GTF2F2: variants seen among roughly 807,000 people sequenced by gnomAD.
The protein encoded by GTF2F2 is ATP-dependent helicase GTF2F2.
In GTF2F2, 23 loss-of-function variants were observed where a neutral mutation model predicts 42.2. The ratio of observed to expected loss-of-function variants is 0.55; its 90% confidence interval spans 0.39 to 0.77. The LOEUF (loss-of-function observed/expected upper bound fraction) is 0.77, where lower values mean the gene tolerates loss of function less well. Among genes scored for constraint, GTF2F2 ranks in the 30% least tolerant of loss-of-function variants. The pLI is 0.00. For synonymous variants in GTF2F2, 105 were observed against 100.8 expected (o/e 1.04, Z -0.25); for missense variants, 261 against 287.2 (o/e 0.91, Z 0.66).
chr13:45,168,906 T>TCCCTCCCTCCCTCCCTC (rs145117805), intron 4 of GTF2F2, among the ~76,000 whole-genome samples: 1 of 87,262 alleles, frequency 1.1e-5, no homozygotes, highest in Non-Finnish European at 2.2e-5. Context: ...CCTCCCTCCC[T>TCCCTCCCTCCCTCCCTC]CCTCCTTCCT....
intron 5 of GTF2F2, among the ~76,000 whole-genome samples, chr13:45,248,783 A>C (rs923723910): frequency 6.6e-6 from 1 of 152,102 alleles, no homozygotes; most frequent in Admixed American, 6.6e-5. Flanking sequence ...GCCAGCACCA[A>C]GTATTTTTTT....
At chr13:45,168,924 C>CTCCCTCCT (rs1871453654) in intron 4 of GTF2F2, among the ~76,000 whole-genome samples, 2 of 125,752 alleles carry the variant, frequency 1.6e-5, no homozygotes, top group South Asian at 3.1e-4. Context: ...CCTTCCCTCC[C>CTCCCTCCT]TCCCTCCTTC....
At chr13:45,168,012 T>G (rs1297639707) in intron 4 of GTF2F2, among the ~76,000 whole-genome samples, 3 of 152,248 alleles carry the variant, frequency 2.0e-5, no homozygotes, top group South Asian at 4.1e-4. Context: ...ATGACTATGA[T>G]GATTTGACAC....
At chr13:45,282,085 C>T (rs1182709805) in intron 7 of GTF2F2, among the ~76,000 whole-genome samples, 3 of 152,104 alleles carry the variant, frequency 2.0e-5, no homozygotes, top group Admixed American at 6.6e-5. Context: ...CCTGTAATCC[C>T]AGCTACTTGG....
chr13:45,283,677 A>T lies in GTF2F2; in HGVS notation c.*116A>T. On this transcript the variant is annotated 3_prime_UTR_variant, in exon 8 of 8. Transcript: ENST00000340473. ...ATAGGGGTTAAGTGACAGTACTTTG[A>T]TTTCTCTCGGTAAATTTTTTAAACC... 1.3e-6 allele frequency: 1 copy of T among 779,816 alleles called. No individual in the cohort carries two copies. The highest frequency in any genetic ancestry group is 1.8e-6 in the Non-Finnish European group (1 of 549,032). The allele number at this position is 779,816 out of a possible 1,614,324, so 48.3% of individuals were successfully genotyped here.
At chr13:45,155,212 A>G (rs1593459259) in intron 4 of GTF2F2, among the ~76,000 whole-genome samples, 1 of 152,352 alleles carries the variant, frequency 6.6e-6, no homozygotes, top group African/African-American at 2.4e-5. Flanking sequence ...TTGGTCATGA[A>G]CCTGCCAAAG....
chr13:45,204,396 G>C (rs1466503926), intron 4 of GTF2F2, among the ~76,000 whole-genome samples: 2 of 152,172 alleles, frequency 1.3e-5, no homozygotes, highest in South Asian at 2.1e-4. Context: ...GTTAAGAAAT[G>C]TGTGAGAATA....
chr13:45,234,794 C>T (rs1031782038), intron 5 of GTF2F2, among the ~76,000 whole-genome samples: 5 of 151,986 alleles, frequency 3.3e-5, no homozygotes, highest in African/African-American at 1.2e-4. Context: ...GCCTGTAATT[C>T]CAGCACTTTG....
chr13:45,174,640 T>TC (rs1871780778), intron 4 of GTF2F2, among the ~76,000 whole-genome samples: 2 of 149,004 alleles, frequency 1.3e-5, no homozygotes, highest in East Asian at 1.9e-4. Flanking sequence ...TTTTCTTTTT[T>TC]TTTTTTTTTT....
At chr13:45,134,431 A>T (rs1869512661) in intron 1 of GTF2F2, among the ~76,000 whole-genome samples, 1 of 152,034 alleles carries the variant, frequency 6.6e-6, no homozygotes, top group African/African-American at 2.4e-5. Flanking sequence ...TGGGGGAGGG[A>T]TAGATAAGAA....
intron 6 of GTF2F2, among the ~76,000 whole-genome samples, chr13:45,265,408 C>A (rs916954565): frequency 7.2e-5 from 11 of 152,154 alleles, no homozygotes; most frequent in Admixed American, 7.2e-4. Flanking sequence ...AGGCCCTCCC[C>A]TCTCTAATCA....
chr13:45,272,939 T>G (rs969860537), intron 7 of GTF2F2, among the ~76,000 whole-genome samples: 1 of 139,906 alleles, frequency 7.1e-6, no homozygotes, highest in Non-Finnish European at 1.6e-5. Flanking sequence ...TTTTTTTTTT[T>G]TTTTTGAGAC....
intron 5 of GTF2F2, among the ~76,000 whole-genome samples, chr13:45,226,826 C>A (rs893885052): frequency 3.3e-5 from 5 of 152,156 alleles, no homozygotes; most frequent in African/African-American, 9.7e-5. Context: ...GAGGGTTGAA[C>A]CTTTTTCTGG....
chr13:45,204,016 A>G (rs947114202), intron 4 of GTF2F2, among the ~76,000 whole-genome samples: 1 of 151,164 alleles, frequency 6.6e-6, no homozygotes, highest in African/African-American at 2.4e-5. Flanking sequence ...TTATTTTTTC[A>G]CTCTCATTCT....
At chr13:45,276,311 A>C (rs1244212052) in intron 7 of GTF2F2, among the ~76,000 whole-genome samples, 2 of 152,200 alleles carry the variant, frequency 1.3e-5, no homozygotes, top group African/African-American at 4.8e-5. Flanking sequence ...CGTTGGGACT[A>C]TTATGAATAA....
chr13:45,182,902 A>C (rs570681478), intron 4 of GTF2F2, among the ~76,000 whole-genome samples: 13 of 152,100 alleles, frequency 8.5e-5, no homozygotes, highest in African/African-American at 2.9e-4. Flanking sequence ...TCTCTGTACT[A>C]GTTTTTTCTT....
intron 4 of GTF2F2, among the ~76,000 whole-genome samples, chr13:45,171,907 A>G (rs1871620146): frequency 1.3e-5 from 2 of 149,092 alleles, no homozygotes; most frequent in Non-Finnish European, 1.5e-5. Flanking sequence ...TCCAGGGCTC[A>G]TTCATGTTGT....
intron 2 of GTF2F2, among the ~76,000 whole-genome samples, chr13:45,137,447 C>G (rs1323918659): frequency 1.3e-5 from 2 of 152,174 alleles, no homozygotes; most frequent in East Asian, 3.8e-4. Context: ...TATCAATTAG[C>G]TTTTGCTTCA....
At chr13:45,208,290 A>G (rs962014799) in intron 5 of GTF2F2, among the ~76,000 whole-genome samples, 1 of 152,124 alleles carries the variant, frequency 6.6e-6, no homozygotes, top group Non-Finnish European at 1.5e-5. Flanking sequence ...ACATTTTGTA[A>G]TTAGTATTTA....
Sources: gnomAD v4.1 joint callset for allele counts (sites outside exome capture counted in the v4.1 genomes callset) on GRCh38, gnomAD v4.1.1 for gene constraint, MANE v1.5 for transcripts, NCBI Gene and HGNC (gene_info 2026-07-23, HGNC 2026-07-21) for gene names.